Variants in AUTS2 observed in about 807,000 individuals in gnomAD.
AUTS2 encodes autism susceptibility gene 2 protein.
Under a neutral mutation model 112.4 loss-of-function variants are expected in AUTS2, and 17 were observed. The ratio of observed to expected loss-of-function variants is 0.15; its 90% CI spans 0.10 to 0.23. The LOEUF (loss-of-function observed/expected upper bound fraction) is 0.23, where lower values mean the gene tolerates loss of function less well. Among genes scored for constraint, AUTS2 ranks in the 10% least tolerant of loss-of-function variants. The pLI is 1.00. For missense variants in AUTS2, 1,510 were observed against 1,701.6 expected (o/e 0.89, Z 1.98); for synonymous variants, 751 against 702.7 (o/e 1.07, Z -1.09).
chr7:70,226,734 T>C (rs1020746492), intron 4 of AUTS2, among the ~76,000 whole-genome samples: 5 of 152,202 alleles, frequency 3.3e-5, no homozygotes, highest in African/African-American at 1.2e-4. Flanking sequence ...TCTAAGCATG[T>C]TATATGCAGT....
At chr7:69,648,121 C>T (rs1795116562) in intron 1 of AUTS2, among the ~76,000 whole-genome samples, 1 of 152,184 alleles carries the variant, frequency 6.6e-6, no homozygotes, top group African/African-American at 2.4e-5. Flanking sequence ...AAACCCATAA[C>T]AGAGTTCTAC....
At chr7:70,665,409 A>G (rs189224083) in intron 5 of AUTS2, among the ~76,000 whole-genome samples, 1 of 152,108 alleles carries the variant, frequency 6.6e-6, no homozygotes, top group Admixed American at 6.5e-5. Context: ...GACTACAGGC[A>G]CACATCACCA....
At chr7:70,449,255 A>G (rs1040640849) in intron 5 of AUTS2, among the ~76,000 whole-genome samples, 8 of 152,204 alleles carry the variant, frequency 5.3e-5, no homozygotes, top group African/African-American at 1.9e-4. Flanking sequence ...TCCTTTTGGT[A>G]GAAATCATGA....
chr7:70,298,221 G>A (rs1374010070), intron 4 of AUTS2, among the ~76,000 whole-genome samples: 6 of 151,916 alleles, frequency 3.9e-5, no homozygotes, highest in Non-Finnish European at 8.8e-5. Context: ...TAGTAGAGAT[G>A]GGGTTTCACC....
chr7:70,441,568 G>T (rs1231856377), intron 5 of AUTS2, among the ~76,000 whole-genome samples: 1 of 152,094 alleles, frequency 6.6e-6, no homozygotes, highest in Non-Finnish European at 1.5e-5. Flanking sequence ...ATTTTATTCT[G>T]TAGAGATGGA....
At chr7:69,704,115 C>A (rs1026970675) in intron 1 of AUTS2, among the ~76,000 whole-genome samples, 1 of 152,144 alleles carries the variant, frequency 6.6e-6, no homozygotes, top group Non-Finnish European at 1.5e-5. Context: ...TCCTCTCTCC[C>A]AGCTGTTTAC....
intron 1 of AUTS2, among the ~76,000 whole-genome samples, chr7:69,730,912 A>G (rs1786764112): frequency 6.6e-6 from 1 of 152,216 alleles, no homozygotes; most frequent in South Asian, 2.1e-4. Flanking sequence ...TCAAAGTCAG[A>G]TCTGAGTACT....
chr7:69,933,915 C>T (rs1018491066), intron 2 of AUTS2, among the ~76,000 whole-genome samples: 7 of 152,282 alleles, frequency 4.6e-5, no homozygotes, highest in Middle Eastern at 3.4e-3. Context: ...AAACTCTTTC[C>T]GTACTTAGAA....
intron 3 of AUTS2, 52 bp downstream of exon 3, chr7:70,118,285 G>A (rs1805495110): frequency 6.7e-7 from 1 of 1,486,498 alleles, no homozygotes. Flanking sequence ...AAACCACTAG[G>A]CCACACACAC....
chr7:69,836,423 GT>G (rs1791727086), intron 1 of AUTS2, among the ~76,000 whole-genome samples: 2 of 152,148 alleles, frequency 1.3e-5, no homozygotes, highest in South Asian at 4.2e-4. Flanking sequence ...TCTTTTTGTA[GT>G]AAGGATACTA....
Position 70,559,053 on chromosome 7 carries a change from G to A in AUTS2, c.690+123272G>A, listed in dbSNP as rs1211854140. 2.0e-5 allele frequency among the ~76,000 whole-genome samples: 3 copies of A among 152,148 alleles called. 1 individual carries two copies. The highest frequency in any genetic ancestry group is 1.5e-5 in the Non-Finnish European group (1 of 68,028). ...TGAATCACAGGGGTGGGTCTTTCCT[G>A]TGCTGTTCTCGTGATAGTGAATAAG... On this transcript the variant is annotated intron_variant, in intron 5 of 18. Transcript: ENST00000342771.
In AUTS2 at chr7:70,769,886, A is replaced by G. The variant is rs183685924; in HGVS notation, c.1735-1663A>G. Among the ~76,000 whole-genome samples, 711 of 152,262 alleles carry G rather than the reference A, an allele frequency of 4.7e-3. 6 individuals carry two copies. The highest frequency in any genetic ancestry group is 0.017 in the African/African-American group (687 of 41,540). On this transcript the variant is annotated intron_variant, in intron 10 of 18. Coordinates refer to ENST00000342771, the MANE Select transcript of AUTS2 (RefSeq NM_015570.4). ...TTCAGGTTTTTAGTCAGGGGGAGGAATAGTCAGCTATATTTATATTCTAAG... is the reference window on the plus strand; with the variant it reads ...TTCAGGTTTTTAGTCAGGGGGAGGAGTAGTCAGCTATATTTATATTCTAAG...
intron 2 of AUTS2, among the ~76,000 whole-genome samples, chr7:70,081,144 C>T (rs780313739): frequency 6.6e-5 from 10 of 151,990 alleles, no homozygotes; most frequent in Non-Finnish European, 1.2e-4. Context: ...TTGCATTGCT[C>T]TGAGAAGTGT....
Position 69,894,252 on chromosome 7 carries a change from G to GTTTTT in AUTS2, c.310-5012_310-5008dup, listed in dbSNP as rs370966756. On this transcript the variant is annotated intron_variant, in intron 1 of 18. Coordinates refer to ENST00000342771, the MANE Select transcript of AUTS2 (RefSeq NM_015570.4). ...GACTGTCAAATGAATGCCTTAAAGC[G>GTTTTT]TTTTTTTTTTTTTTTTTTTTTTTTT... 4.6e-4 allele frequency among the ~76,000 whole-genome samples: 17 copies of GTTTTT among 36,744 alleles called. 2 individuals carry two copies. The highest frequency in any genetic ancestry group is 9.2e-4 in the African/African-American group (7 of 7,586). The allele number at this position is 36,744 out of a possible 152,430, so 24.1% of individuals were successfully genotyped here.
chr7:69,702,555 A>T (rs1562821906), intron 1 of AUTS2, among the ~76,000 whole-genome samples: 1 of 152,160 alleles, frequency 6.6e-6, no homozygotes, highest in Non-Finnish European at 1.5e-5. Flanking sequence ...AGCTTTCATC[A>T]TGGGGGCAGT....
chr7:70,366,117 A>G (rs941612315), intron 4 of AUTS2, among the ~76,000 whole-genome samples: 5 of 152,240 alleles, frequency 3.3e-5, no homozygotes, highest in Non-Finnish European at 7.3e-5. Context: ...CTAAAACCAA[A>G]GCTTATGTTA....
At chr7:70,434,966 A>G (rs994113657) in intron 4 of AUTS2, among the ~76,000 whole-genome samples, 2 of 152,118 alleles carry the variant, frequency 1.3e-5, no homozygotes, top group Non-Finnish European at 2.9e-5. Context: ...TCCCTTGCTT[A>G]TCATGAGGAT....
At chr7:70,457,151 G>T (rs561915424) in intron 5 of AUTS2, among the ~76,000 whole-genome samples, 1 of 152,178 alleles carries the variant, frequency 6.6e-6, no homozygotes, top group African/African-American at 2.4e-5. Flanking sequence ...ACAGCCTTAC[G>T]TTCCCTTTCT....
chr7:70,189,511 G>T (rs1056571175), intron 4 of AUTS2, among the ~76,000 whole-genome samples: 2 of 152,208 alleles, frequency 1.3e-5, no homozygotes, highest in Non-Finnish European at 2.9e-5. Flanking sequence ...GTGGAATATG[G>T]TGTGTTACGT....
Sources: gnomAD v4.1 joint callset for allele counts (sites outside exome capture counted in the v4.1 genomes callset) on GRCh38, gnomAD v4.1.1 for gene constraint, MANE v1.5 for transcripts, NCBI Gene and HGNC (gene_info 2026-07-23, HGNC 2026-07-21) for gene names.